The following JAKMIP3 variants were observed in gnomAD, a reference collection of about 807,000 sequenced individuals.
JAKMIP3 encodes Janus kinase and microtubule interacting protein 3.
JAKMIP3 carries 58 observed loss-of-function variants against 118.5 expected under a neutral mutation model. The observed-to-expected ratio is 0.49, with a 90% CI of 0.40 to 0.61. The LOEUF is 0.61. Among genes scored for constraint, JAKMIP3 ranks in the 20% least tolerant of loss-of-function variants. The pLI is 0.00. For synonymous variants in JAKMIP3, 486 were observed against 451.2 expected, an observed-to-expected ratio of 1.08 and a Z score of -0.98; for missense variants, 950 against 1,109.0, an observed-to-expected ratio of 0.86 and a Z score of 2.04.
intron 1 of JAKMIP3, among the ~76,000 whole-genome samples, chr10:132,099,508 C>A (rs9419361): frequency 0.68 from 103,459 of 152,012 alleles, 35,395 homozygotes; most frequent in East Asian, 0.87. Flanking sequence ...TGAAACTGAC[C>A]GCGAAGCCCA....
chr10:132,133,340 C>T lies in JAKMIP3; in HGVS notation c.662C>T (p.Ala221Val). ...GAGGAGATAAAATTTAAAGACAGAG[C>T]AGTCTTCGTGCTGGAGAGAGAGTTA... ...LMEEIKFKDR[A>V]VFVLERELGV... Residue 221 changes from alanine to valine, a missense_variant, in exon 4 of 24, where the codon GCA (alanine) becomes GTA (valine). Ala to Val is a moderately conservative substitution (Grantham distance 64, BLOSUM62 0). Coordinates refer to ENST00000684848, the MANE Select transcript of JAKMIP3 (RefSeq NM_001323087.2). 1 of 1,597,028 alleles carries T rather than the reference C, an allele frequency of 6.3e-7. No homozygotes were observed. The highest frequency in any genetic ancestry group is 8.5e-7 in the Non-Finnish European group (1 of 1,171,780).
chr10:132,170,527 G>A (rs755104179), intron 23 of JAKMIP3, among the ~76,000 whole-genome samples: 1 of 152,078 alleles, frequency 6.6e-6, no homozygotes, highest in Non-Finnish European at 1.5e-5. Context: ...GGGGAGCAAG[G>A]CCCCCCACAG....
intron 1 of JAKMIP3, among the ~76,000 whole-genome samples, chr10:132,048,186 G>T (rs372476439): frequency 1.3e-5 from 2 of 152,250 alleles, no homozygotes; most frequent in African/African-American, 4.8e-5. Flanking sequence ...GGTTGTGTCT[G>T]CTGGTTTCTC....
intron 3 of JAKMIP3, among the ~76,000 whole-genome samples, chr10:132,125,859 T>A (rs1293827367): frequency 6.6e-6 from 1 of 152,238 alleles, no homozygotes; most frequent in Admixed American, 6.5e-5. Context: ...CACTTATTAA[T>A]TCTAACAGCT....
intron 23 of JAKMIP3, among the ~76,000 whole-genome samples, chr10:132,180,764 T>TGTGC (rs2061264571): frequency 6.2e-5 from 2 of 32,156 alleles, no homozygotes; most frequent in South Asian, 6.2e-4. Flanking sequence ...TGTGTGCGTG[T>TGTGC]GTGTGCGTGT....
chr10:132,080,621 A>G (rs2041636504), intron 1 of JAKMIP3, among the ~76,000 whole-genome samples: 1 of 146,304 alleles, frequency 6.8e-6, no homozygotes. Flanking sequence ...TCCCAGGTTC[A>G]AGCGATTCTC....
chr10:132,099,109 T>G (rs2130891), intron 1 of JAKMIP3, among the ~76,000 whole-genome samples: 2 of 151,840 alleles, frequency 1.3e-5, no homozygotes, highest in Non-Finnish European at 2.9e-5. Flanking sequence ...ACAGGTCTGA[T>G]TGACTTCTCG....
At chr10:132,063,034 G>C (rs550107118), upstream of JAKMIP3, among the ~76,000 whole-genome samples, 16 of 152,306 alleles carry the variant, frequency 1.1e-4, 3 homozygotes, top group South Asian at 2.7e-3. Flanking sequence ...GAATTGTATG[G>C]AGACACCGGG....
At chr10:132,040,650 T>C (rs1313187137) in intron 1 of JAKMIP3, among the ~76,000 whole-genome samples, 2 of 122,466 alleles carry the variant, frequency 1.6e-5, no homozygotes, top group Non-Finnish European at 3.6e-5. Flanking sequence ...TTTTTTTTTT[T>C]TCATTTTCAT....
intron 23 of JAKMIP3, among the ~76,000 whole-genome samples, chr10:132,172,561 C>T (rs1247905823): frequency 6.6e-6 from 1 of 151,964 alleles, no homozygotes; most frequent in Non-Finnish European, 1.5e-5. Context: ...GAAGACCTGC[C>T]CCTTTTCTCC....
chr10:132,150,774 A>G (rs2136168720), intron 16 of JAKMIP3, among the ~76,000 whole-genome samples: 1 of 152,162 alleles, frequency 6.6e-6, no homozygotes, highest in South Asian at 2.1e-4. Context: ...TAATCCATGT[A>G]TCCGTCCTCC....
chr10:132,055,324 A>T (rs574427670), intron 1 of JAKMIP3, among the ~76,000 whole-genome samples: 2 of 152,338 alleles, frequency 1.3e-5, no homozygotes, highest in East Asian at 3.9e-4. Flanking sequence ...AATGACAAAC[A>T]TGTCCTCTAC....
intron 1 of JAKMIP3, among the ~76,000 whole-genome samples, chr10:132,046,392 C>G (rs531763962): frequency 1.3e-5 from 2 of 151,530 alleles, no homozygotes; most frequent in African/African-American, 4.8e-5. Context: ...GGAGGCGGAG[C>G]TTGCAGTGAG....
chr10:132,120,313 G>A (rs948095054), intron 3 of JAKMIP3, among the ~76,000 whole-genome samples: 4 of 152,148 alleles, frequency 2.6e-5, no homozygotes, highest in Admixed American at 6.5e-5. Context: ...TGGGTCCTGC[G>A]GGGGAGGGAT....
intron 9 of JAKMIP3, among the ~76,000 whole-genome samples, chr10:132,139,367 TACGTGTGTGA>T (rs1564948635): frequency 9.9e-6 from 1 of 100,904 alleles, no homozygotes; most frequent in Non-Finnish European, 2.1e-5. Context: ...TATGCGTCTG[TACGTGTGTGA>T]GTATGTGAGT....
At chr10:132,131,681 G>A (rs985945150) in intron 3 of JAKMIP3, among the ~76,000 whole-genome samples, 2 of 152,080 alleles carry the variant, frequency 1.3e-5, no homozygotes, top group Non-Finnish European at 2.9e-5. Context: ...AGTGGAAGAT[G>A]CTGGCAGTGG....
intron 6 of JAKMIP3, among the ~76,000 whole-genome samples, chr10:132,136,487 C>G (rs976449183): frequency 1.3e-5 from 2 of 152,182 alleles, no homozygotes; most frequent in African/African-American, 4.8e-5. Context: ...TCTGCTCCGC[C>G]AAGGCCATGA....
intron 1 of JAKMIP3, among the ~76,000 whole-genome samples, chr10:132,071,723 C>T (rs983236410): frequency 1.3e-5 from 2 of 152,158 alleles, no homozygotes; most frequent in African/African-American, 4.8e-5. Flanking sequence ...CGTTTTGCAA[C>T]TGTTTATTTT....
At chr10:132,113,089 C>T (rs1416399773) in intron 2 of JAKMIP3, among the ~76,000 whole-genome samples, 2 of 152,200 alleles carry the variant, frequency 1.3e-5, no homozygotes, top group Admixed American at 6.5e-5. Flanking sequence ...GTTGTCACCT[C>T]AGTTCAGGGC....
Sources: gnomAD v4.1 joint callset for allele counts (sites outside exome capture counted in the v4.1 genomes callset) on GRCh38, gnomAD v4.1.1 for gene constraint, MANE v1.5 for transcripts, NCBI Gene and HGNC (gene_info 2026-07-23, HGNC 2026-07-21) for gene names.